Variants in PAF1 observed in about 807,000 individuals in gnomAD.
PAF1 encodes the protein PAF1 component of Paf1/RNA polymerase II complex.
Under a neutral mutation model 68.4 loss-of-function variants are expected in PAF1, and 31 were observed. That is an observed-to-expected ratio of 0.45 (90% confidence interval 0.34 to 0.61). The LOEUF (loss-of-function observed/expected upper bound fraction) is 0.61, where lower values mean the gene tolerates loss of function less well. Among genes scored for constraint, PAF1 ranks in the 20% least tolerant of loss-of-function variants. PAF1 has a pLI of 0.01. For missense variants in PAF1, 435 were observed against 692.9 expected, an observed-to-expected ratio of 0.63 and a Z score of 4.18; for synonymous variants, 256 against 240.5, an observed-to-expected ratio of 1.06 and a Z score of -0.60.
rs746681820 is a variant in PAF1 at position 39,386,823 on chromosome 19, G to C, written c.987-24C>G. 9 of 1,535,246 alleles carry C rather than the reference G, an allele frequency of 5.9e-6. No individual in the cohort carries two copies. Among genetic ancestry groups the C allele is most frequent in the Non-Finnish European group, 8.1e-6 (9 of 1,108,312 alleles). Reference sequence around the variant, plus strand: ...CCCTGCAGGGGGTGAATTTGGGAGAGAGAAGTGGAAGATGCAGTTAAAGAC... The same window carrying C: ...CCCTGCAGGGGGTGAATTTGGGAGACAGAAGTGGAAGATGCAGTTAAAGAC... On this transcript the variant is annotated intron_variant, in intron 11 of 13. Transcript: ENST00000221265. The surrounding 1 kb of genome is among the most constrained non-coding windows in gnomAD (Gnocchi z 6.1).
At chr19:39,387,281 G>T (rs528358149) in intron 11 of PAF1, 2 of 337,978 alleles carry the variant, frequency 5.9e-6, no homozygotes, top group South Asian at 4.9e-5. Flanking sequence ...ACATAGAAAA[G>T]GTATAGTAAA....
chr19:39,390,724 A>G (rs2078361640), intron 1 of PAF1, 94 bp downstream of exon 1: 1 of 1,323,544 alleles, frequency 7.6e-7, no homozygotes. Context: ...GCGCTTCATG[A>G]CGTCACGGGC....
rs1363095981 is a variant in PAF1, at chr19:39,388,746, C to G, written c.740+16G>C. 6.8e-6 allele frequency: 11 copies of G among 1,610,434 alleles called. No individual in the cohort carries two copies. Among genetic ancestry groups the G allele is most frequent in the Non-Finnish European group, 9.3e-6 (11 of 1,176,732 alleles). On this transcript the variant is annotated intron_variant, in intron 9 of 13. Coordinates refer to ENST00000221265, the MANE Select transcript of PAF1 (RefSeq NM_019088.4). ...GCAGCAAGGAGCAGGCCAAGGTGGA[C>G]AGCAGGACCACCTACCTAATCATGG...
Position 39,386,654 on chromosome 19 carries a change from C to T in PAF1, c.1092+40G>A, listed in dbSNP as rs376652596. On this transcript the variant is annotated intron_variant, in intron 12 of 13. Transcript: ENST00000221265. This position sits in a 1 kb window ranked among gnomAD's most constrained non-coding sequence, Gnocchi z 6.1. ...CCCCTCCTCACCTACAACCACCACC[C>T]TCCCTGCCATGGGTGCCCTGAGCCA... 1 of 1,597,990 alleles carries T rather than the reference C, an allele frequency of 6.3e-7. No homozygotes were observed. Among genetic ancestry groups the T allele is most frequent in the Admixed American group, 1.7e-5 (1 of 60,010 alleles).
Position 39,386,896 on chromosome 19 carries a change from G to T in PAF1, c.987-97C>A. 1 of 801,712 alleles carries T rather than the reference G, an allele frequency of 1.2e-6. No homozygotes were observed. Among genetic ancestry groups the T allele is most frequent in the Non-Finnish European group, 2.2e-6 (1 of 457,158 alleles). The allele number at this position is 801,712 out of a possible 1,614,324, so 49.7% of individuals were successfully genotyped here. A position where few individuals can be genotyped will look rare whatever the true frequency, so the allele number is the denominator to read the frequency against. On this transcript the variant is annotated intron_variant, in intron 11 of 13. Transcript: ENST00000221265. This position sits in a 1 kb window ranked among gnomAD's most constrained non-coding sequence, Gnocchi z 6.1. ...CCAGTGAGGGGTCTGGTCTGACTTG[G>T]TTCCCCATCAATACTTAGAGTAAAT...
chr19:39,386,187 TCA>T lies in PAF1; in HGVS notation c.1398_1399del (p.Asp467Ter). On this transcript the variant is annotated frameshift_variant, in exon 14 of 14. Coordinates refer to ENST00000221265, the MANE Select transcript of PAF1 (RefSeq NM_019088.4). LOFTEE classifies it high-confidence loss of function. The surrounding 1 kb of genome is among the most constrained non-coding windows in gnomAD (Gnocchi z 6.1). The stretch of plus-strand genomic sequence containing the variant: ...TTGGGCCTGTCCTCTGTCCTCATCA[TCA>T]GAGTCGGCATCGTCCTCAGAATCAG... The T allele has an allele frequency of 6.2e-7, 1 of 1,614,152 alleles. No individual in the cohort carries two copies. Among genetic ancestry groups the T allele is most frequent in the Non-Finnish European group, 8.5e-7 (1 of 1,180,024 alleles).
At chr19:39,388,031 C>T (rs979099544) in intron 11 of PAF1, among the ~76,000 whole-genome samples, 1 of 152,178 alleles carries the variant, frequency 6.6e-6, no homozygotes. Context: ...ATGCCAGCTA[C>T]TCAGGAGGCT....
At chr19:39,387,351 A>T (rs1485155886) in intron 11 of PAF1, 1 of 198,146 alleles carries the variant, frequency 5.0e-6, no homozygotes, top group African/African-American at 2.3e-5. Flanking sequence ...TGAAACATGC[A>T]GTGCATTACT....
At position 39,388,663 on chromosome 19, in the gene PAF1, C is replaced by T. The variant is rs147378857; in HGVS notation, c.754G>A (p.Glu252Lys). ...TAGGCCACAAACTGGTTCCCTTCCT[C>T]ATCCATCATGCCCCTGGTTGGGGGA... is the stretch of plus-strand genomic sequence containing the variant. ...SQAMIRGMMD[E>K]EGNQFVAYFL... The change falls in exon 10 of 14, where the codon GAG becomes AAG. Residue 252 changes from glutamate (E) to lysine (K), a missense_variant. Glu to Lys is a moderately conservative substitution (Grantham distance 56). Around this residue, in one of 7 missense-constraint regions of PAF1, gnomAD observed 151 missense variants for 306.3 expected, o/e 0.49. Transcript: ENST00000221265. The T allele has an allele frequency of 1.2e-6, 2 of 1,614,026 alleles. No homozygotes were observed. Among genetic ancestry groups the T allele is most frequent in the African/African-American group, 2.7e-5 (2 of 74,914 alleles).
chr19:39,388,790 A>G lies in PAF1; in HGVS notation c.712T>C (p.Leu238=), dbSNP rs975255601. ...APKDTSGAAA[L]EMMSQAMIRG... is the part of the protein sequence containing the mutation. The stretch of plus-strand genomic sequence containing the variant: ...ATCATGGCCTGAGACATCATCTCCA[A>G]CGCAGCTGCACCACTCGTGTCCTTG... Residue 238 remains leucine, a synonymous_variant, in exon 9 of 14, where the codon TTG becomes CTG. Transcript: ENST00000221265. 4 of 1,613,942 alleles carry G rather than the reference A, an allele frequency of 2.5e-6. No individual in the cohort carries two copies. Among genetic ancestry groups the G allele is most frequent in the Non-Finnish European group, 3.4e-6 (4 of 1,179,966 alleles).
Position 39,389,885 on chromosome 19 carries a change from G to A in PAF1, c.171-124C>T. 2 of 1,361,268 alleles carry A rather than the reference G, an allele frequency of 1.5e-6. No homozygotes were observed. The highest frequency in any genetic ancestry group is 2.1e-6 in the Non-Finnish European group (2 of 959,332). The allele number at this position is 1,361,268 out of a possible 1,614,324, so 84.3% of individuals were successfully genotyped here. ...TGAAGTGTCCCCCATGGCAGAGTCTGAAAGCTGGCTCCCCAGTGGGAAGGG... is the reference window on the plus strand; with the variant it reads ...TGAAGTGTCCCCCATGGCAGAGTCTAAAAGCTGGCTCCCCAGTGGGAAGGG... On this transcript the variant is annotated intron_variant, in intron 3 of 13. Coordinates refer to ENST00000221265, the MANE Select transcript of PAF1 (RefSeq NM_019088.4). The surrounding 1 kb of genome is among the most constrained non-coding windows in gnomAD (Gnocchi z 5.3).
In PAF1 at chr19:39,388,799, C is replaced by T. The variant is rs1474947598; in HGVS notation, c.703G>A (p.Ala235Thr). The change falls in exon 9 of 14, where the codon GCA (alanine) becomes ACA (threonine). Residue 235 changes from alanine to threonine, a missense_variant. This residue lies in a region of PAF1 where 151 missense variants were observed against 306.3 expected (regional missense o/e 0.49). Coordinates refer to ENST00000221265, the MANE Select transcript of PAF1 (RefSeq NM_019088.4). ...SDPAPKDTSG[A>T]AALEMMSQAM... ...TGAGACATCATCTCCAACGCAGCTG[C>T]ACCACTCGTGTCCTTGGGGGCTGGG... The T allele has an allele frequency of 6.2e-7, 1 of 1,614,180 alleles. No individual in the cohort carries two copies. Among genetic ancestry groups the T allele is most frequent in the Non-Finnish European group, 8.5e-7 (1 of 1,180,014 alleles).
Position 39,386,503 on chromosome 19 carries a change from C to T in PAF1, c.1162G>A (p.Glu388Lys). 2 of 1,614,188 alleles carry T rather than the reference C, an allele frequency of 1.2e-6. No individual in the cohort carries two copies. Among genetic ancestry groups the T allele is most frequent in the Non-Finnish European group, 8.5e-7 (1 of 1,180,028 alleles). Reference sequence around the variant, plus strand: ...TTACCTGAGCCCCCAGCTTCTTTCTCTTCTGTCTCCATCTCCTCTTCCTCT... The same window carrying T: ...TTACCTGAGCCCCCAGCTTCTTTCTTTTCTGTCTCCATCTCCTCTTCCTCT... The part of the protein sequence containing the change: ...EEEEEEMETE[E>K]KEAGGSDEEQ... The change falls in exon 13 of 14, where the codon GAG becomes AAG. Residue 388 changes from glutamate (E) to lysine (K), a missense_variant. Around this residue, in one of 7 missense-constraint regions of PAF1, gnomAD observed 78 missense variants for 80.6 expected, o/e 0.97. Coordinates refer to ENST00000221265, the MANE Select transcript of PAF1 (RefSeq NM_019088.4). This position sits in a 1 kb window ranked among gnomAD's most constrained non-coding sequence, Gnocchi z 6.1.
At position 39,389,937 on chromosome 19, in the gene PAF1, A is replaced by G. The variant is rs2078337297; in HGVS notation, c.170+132T>C. ...CTTGGACACTGCTTGCTCCATTAAC[A>G]ATTGAGCAGCTACTACTATGTGCTA... is the stretch of plus-strand genomic sequence containing the variant. On this transcript the variant is annotated intron_variant, in intron 3 of 13. Coordinates refer to ENST00000221265, the MANE Select transcript of PAF1 (RefSeq NM_019088.4). This position sits in a 1 kb window ranked among gnomAD's most constrained non-coding sequence, Gnocchi z 5.3. 1 of 1,072,752 alleles carries G rather than the reference A, an allele frequency of 9.3e-7. No individual in the cohort carries two copies. Among genetic ancestry groups the G allele is most frequent in the East Asian group, 2.4e-5 (1 of 42,314 alleles). The allele number at this position is 1,072,752 out of a possible 1,614,324, so 66.5% of individuals were successfully genotyped here. A position where few individuals can be genotyped will look rare whatever the true frequency, so the allele number is the denominator to read the frequency against.
chr19:39,390,759 T>A, intron 1 of PAF1, 59 bp downstream of exon 1: 3 of 1,522,592 alleles, frequency 2.0e-6, no homozygotes, highest in Non-Finnish European at 2.7e-6. Context: ...GTGACGTTGT[T>A]CAGCAGAAAC....
chr19:39,390,404 GGGT>G, intron 1 of PAF1, 115 bp from the exon 2 acceptor site: 1 of 986,504 alleles, frequency 1.0e-6, no homozygotes, highest in Non-Finnish European at 1.6e-6. Context: ...TGGTTTCTTT[GGGT>G]GGTGGTGTGG....
intron 1 of PAF1, 93 bp downstream of exon 1, chr19:39,390,725 C>T: frequency 3.8e-6 from 5 of 1,330,060 alleles, no homozygotes; most frequent in South Asian, 1.3e-5. Flanking sequence ...CGCTTCATGA[C>T]GTCACGGGCA....
Position 39,386,411 on chromosome 19 carries a change from G to C in PAF1, c.1184-8C>G. The C allele has an allele frequency of 6.2e-7, 1 of 1,614,004 alleles. No individual in the cohort carries two copies. Among genetic ancestry groups the C allele is most frequent in the Non-Finnish European group, 8.5e-7 (1 of 1,179,960 alleles). On this transcript the variant is annotated splice_polypyrimidine_tract_variant and splice_region_variant and intron_variant, in intron 13 of 13. Transcript: ENST00000221265. The surrounding 1 kb of genome is among the most constrained non-coding windows in gnomAD (Gnocchi z 6.1). ...CCTTCTCCTGCTCCTCATCTGGAAG[G>C]GAGTGGAGAGAGATGAAACCCACTT... is the stretch of plus-strand genomic sequence containing the variant.
In PAF1 at chr19:39,389,791, T is replaced by A; in HGVS notation, c.171-30A>T. On this transcript the variant is annotated intron_variant, in intron 3 of 13. Coordinates refer to ENST00000221265, the MANE Select transcript of PAF1 (RefSeq NM_019088.4). This position sits in a 1 kb window ranked among gnomAD's most constrained non-coding sequence, Gnocchi z 5.3. ...GTGGGGAAACACCTATTGTGGTGTT[T>A]GGATTCCAGCTTCACCCCTCACAGC... is the stretch of plus-strand genomic sequence containing the variant. 1 of 1,613,654 alleles carries A rather than the reference T, an allele frequency of 6.2e-7. No homozygotes were observed. Among genetic ancestry groups the A allele is most frequent in the South Asian group, 1.1e-5 (1 of 90,974 alleles).
Sources: allele counts gnomAD v4.1 joint callset (sites outside exome capture counted in the v4.1 genomes callset), GRCh38; gene constraint gnomAD v4.1.1; regional missense constraint gnomAD v4.1.1; non-coding constraint Gnocchi (gnomAD v3.1); transcripts MANE v1.5; gene names NCBI Gene and HGNC (gene_info 2026-07-23, HGNC 2026-07-21).